The following NSMCE2 variants were observed in gnomAD, a reference collection of about 807,000 sequenced individuals.
NSMCE2 encodes NSE2 SUMO ligase component of SMC5/6 complex, also known as E3 SUMO-protein ligase NSE2.
A neutral mutation model predicts 23.8 loss-of-function variants in NSMCE2; 24 were observed. The observed-to-expected ratio is 1.01, with a 90% CI of 0.73 to 1.42. The LOEUF is 1.42. Ranked by LOEUF, NSMCE2 falls within the 40% of genes most tolerant of loss-of-function variation. The pLI is 0.00. For missense variants in NSMCE2, 284 were observed against 296.5 expected (o/e 0.96, Z 0.31); for synonymous variants, 92 against 94.1 (o/e 0.98, Z 0.13).
At chr8:125,239,711 A>G (rs1360538004) in intron 5 of NSMCE2, among the ~76,000 whole-genome samples, 1 of 152,112 alleles carries the variant, frequency 6.6e-6, no homozygotes, top group East Asian at 1.9e-4. Context: ...ACTTCCTTCA[A>G]TAAATAATTA....
intron 5 of NSMCE2, among the ~76,000 whole-genome samples, chr8:125,190,623 T>C (rs1283715038): frequency 2.0e-5 from 3 of 152,226 alleles, no homozygotes; most frequent in Non-Finnish European, 2.9e-5. Context: ...GGAGTTATTT[T>C]GTAGTGAGAA....
At chr8:125,249,058 C>T (rs780153527) in intron 5 of NSMCE2, among the ~76,000 whole-genome samples, 3 of 151,996 alleles carry the variant, frequency 2.0e-5, no homozygotes, top group Non-Finnish European at 4.4e-5. Flanking sequence ...TTAATCCCAG[C>T]TACTAGGGAA....
chr8:125,145,475 C>T (rs1025370767), intron 3 of NSMCE2, among the ~76,000 whole-genome samples: 1 of 152,066 alleles, frequency 6.6e-6, no homozygotes, highest in African/African-American at 2.4e-5. Flanking sequence ...ACAGAGTCAC[C>T]AAGGCCCCAC....
chr8:125,110,170 G>T (rs1818658826), intron 3 of NSMCE2, among the ~76,000 whole-genome samples: 1 of 152,096 alleles, frequency 6.6e-6, no homozygotes, highest in Non-Finnish European at 1.5e-5. Flanking sequence ...CTCTTCTCAT[G>T]CCTCTCTGCC....
At chr8:125,272,265 C>G (rs62529123) in intron 5 of NSMCE2, among the ~76,000 whole-genome samples, 1 of 151,988 alleles carries the variant, frequency 6.6e-6, no homozygotes, top group African/African-American at 2.4e-5. Flanking sequence ...CCGCCCGCCT[C>G]AGCCTCCCAA....
chr8:125,137,729 T>G (rs1294096530), intron 3 of NSMCE2, among the ~76,000 whole-genome samples: 1 of 152,210 alleles, frequency 6.6e-6, no homozygotes, highest in Admixed American at 6.6e-5. Context: ...GAATGGACTC[T>G]GTTATTTAAT....
intron 5 of NSMCE2, among the ~76,000 whole-genome samples, chr8:125,186,990 G>A (rs1823137728): frequency 6.6e-6 from 1 of 152,180 alleles, no homozygotes; most frequent in Non-Finnish European, 1.5e-5. Context: ...GATACCCAGT[G>A]TCCTGTATGT....
chr8:125,259,135 A>T (rs564453510), intron 5 of NSMCE2, among the ~76,000 whole-genome samples: 103 of 152,218 alleles, frequency 6.8e-4, no homozygotes, highest in African/African-American at 2.4e-3. Context: ...CTCCCGACTC[A>T]GGTGATCCGC....
intron 4 of NSMCE2, among the ~76,000 whole-genome samples, chr8:125,165,213 T>C (rs1171337835): frequency 6.6e-6 from 1 of 152,208 alleles, no homozygotes; most frequent in African/African-American, 2.4e-5. Flanking sequence ...AAGGATTAAA[T>C]GAGATAACTT....
At chr8:125,214,714 A>G (rs1326614491) in intron 5 of NSMCE2, among the ~76,000 whole-genome samples, 1 of 152,148 alleles carries the variant, frequency 6.6e-6, no homozygotes, top group African/African-American at 2.4e-5. Context: ...TGAATGATAT[A>G]TTTGTTGCAA....
At chr8:125,272,820 T>C (rs1472373156) in intron 5 of NSMCE2, among the ~76,000 whole-genome samples, 2 of 118,694 alleles carry the variant, frequency 1.7e-5, no homozygotes, top group Admixed American at 9.3e-5. Context: ...CACGTATATA[T>C]ATACACATAT....
intron 5 of NSMCE2, among the ~76,000 whole-genome samples, chr8:125,335,910 T>C (rs933033328): frequency 3.3e-5 from 5 of 152,188 alleles, no homozygotes; most frequent in African/African-American, 1.2e-4. Context: ...TCAAGTGAGA[T>C]AGAGCCTCAG....
chr8:125,104,946 A>G (rs903194139), intron 3 of NSMCE2, among the ~76,000 whole-genome samples: 10 of 152,252 alleles, frequency 6.6e-5, no homozygotes, highest in African/African-American at 1.9e-4. Context: ...TTGCCTGAAC[A>G]TGGGAGAAGG....
At chr8:125,206,556 A>C (rs747660498) in intron 5 of NSMCE2, among the ~76,000 whole-genome samples, 57 of 152,196 alleles carry the variant, frequency 3.7e-4, no homozygotes, top group Non-Finnish European at 6.3e-4. Context: ...TATCTATAGG[A>C]TTTGTCAAAT....
intron 4 of NSMCE2, among the ~76,000 whole-genome samples, chr8:125,180,518 G>A (rs1006789618): frequency 6.6e-6 from 1 of 152,194 alleles, no homozygotes; most frequent in Non-Finnish European, 1.5e-5. Context: ...AAAAGTTAAA[G>A]CATATACTTT....
intron 3 of NSMCE2, among the ~76,000 whole-genome samples, chr8:125,124,788 TTTG>T (rs547507136): frequency 4.0e-5 from 6 of 151,652 alleles, no homozygotes; most frequent in Admixed American, 2.0e-4. Flanking sequence ...TCCTCAGGAT[TTTG>T]TTGTTGTTGT....
At position 125,273,081 on chromosome 8, in the gene NSMCE2, TTGC is replaced by T. The variant is rs1827294282; in HGVS notation, c.419-84135_419-84133del. 2.6e-5 allele frequency among the ~76,000 whole-genome samples: 4 copies of T among 152,312 alleles called. No individual in the cohort carries two copies. The South Asian group carries it at 8.3e-4, about 32-fold the overall frequency. ...CTGACAGTTACTGCTTCATAAATGG[TTGC>T]TGTTACTTTTATTCTCATTCAGAGA... On this transcript the variant is annotated intron_variant, in intron 5 of 7. Transcript: ENST00000287437.
chr8:125,361,919 G>C (rs1354276058), intron 7 of NSMCE2, among the ~76,000 whole-genome samples: 1 of 152,160 alleles, frequency 6.6e-6, no homozygotes, highest in Non-Finnish European at 1.5e-5. Flanking sequence ...TGGAATTCTT[G>C]GGACCCAGAT....
chr8:125,264,081 T>G (rs1470629291), intron 5 of NSMCE2, among the ~76,000 whole-genome samples: 1 of 152,148 alleles, frequency 6.6e-6, no homozygotes, highest in African/African-American at 2.4e-5. Flanking sequence ...CTGAATTTTC[T>G]CCAACGAACA....
Sources: allele counts gnomAD v4.1 joint callset (sites outside exome capture counted in the v4.1 genomes callset), GRCh38; gene constraint gnomAD v4.1.1; transcripts MANE v1.5; gene names NCBI Gene and HGNC (gene_info 2026-07-23, HGNC 2026-07-21).